Variants in FANCL observed in about 807,000 individuals in gnomAD.
FANCL encodes E3 ubiquitin-protein ligase FANCL.
In FANCL, 69 loss-of-function variants were observed where a neutral mutation model predicts 59.4. That is an observed-to-expected ratio of 1.16 (90% CI 0.96 to 1.42). The LOEUF (loss-of-function observed/expected upper bound fraction) is 1.42. Among genes scored for constraint, FANCL ranks in the 40% most tolerant of loss-of-function variants. The pLI is 0.00. For synonymous variants in FANCL, 180 were observed against 147.1 expected, an observed-to-expected ratio of 1.22 and a Z score of -1.62; for missense variants, 519 against 447.2, an observed-to-expected ratio of 1.16 and a Z score of -1.45.
chr2:58,177,105 G>A (rs1474078574), intron 7 of FANCL, among the ~76,000 whole-genome samples: 3 of 152,132 alleles, frequency 2.0e-5, no homozygotes, highest in African/African-American at 7.2e-5. Context: ...CACTTAGAAT[G>A]GCAATCATTA....
rs1035520400 is a variant in FANCL, at chr2:58,198,593, C to T, written c.540+1G>A. ...TAAGAATTTACCTGAGGAGAATTTA[C>T]CTGAGGTGTCCAGGAGGCACAAAAT... is the stretch of plus-strand genomic sequence containing the variant. On this transcript the variant is annotated splice_donor_variant, in intron 7 of 13. Coordinates refer to ENST00000233741, the MANE Select transcript of FANCL (RefSeq NM_018062.4). LOFTEE classifies it high-confidence loss of function. 1 of 1,612,100 alleles carries T rather than the reference C, an allele frequency of 6.2e-7. No individual in the cohort carries two copies. The highest frequency in any genetic ancestry group is 8.5e-7 in the Non-Finnish European group (1 of 1,178,356).
chr2:58,236,423 T>C (rs148010641), intron 1 of FANCL, among the ~76,000 whole-genome samples: 5 of 151,700 alleles, frequency 3.3e-5, no homozygotes, highest in African/African-American at 4.8e-5. Context: ...CAGACCATGA[T>C]AGATTTAATA....
At chr2:58,196,481 TAG>T (rs1448369258) in intron 7 of FANCL, among the ~76,000 whole-genome samples, 5 of 152,016 alleles carry the variant, frequency 3.3e-5, no homozygotes, top group Admixed American at 6.6e-5. Flanking sequence ...TACATTTTCT[TAG>T]AGTTACTACA....
intron 2 of FANCL, among the ~76,000 whole-genome samples, chr2:58,230,557 C>T (rs1693483768): frequency 6.6e-6 from 1 of 151,766 alleles, no homozygotes; most frequent in Admixed American, 6.6e-5. Context: ...GCTCCCGATA[C>T]TATTAAGTAA....
At chr2:58,218,101 A>T (rs2103669175) in intron 5 of FANCL, among the ~76,000 whole-genome samples, 1 of 152,214 alleles carries the variant, frequency 6.6e-6, no homozygotes, top group South Asian at 2.1e-4. Context: ...AGAAATCACA[A>T]TGAAAATTAA....
chr2:58,175,642 A>G (rs185926077), intron 7 of FANCL, among the ~76,000 whole-genome samples: 1 of 152,158 alleles, frequency 6.6e-6, no homozygotes, highest in South Asian at 2.1e-4. Flanking sequence ...TCTCAAAATA[A>G]TAAGAGCTAT....
At chr2:58,218,834 G>A (rs1209865014) in intron 5 of FANCL, among the ~76,000 whole-genome samples, 1 of 151,710 alleles carries the variant, frequency 6.6e-6, no homozygotes, top group African/African-American at 2.4e-5. Context: ...ATATGGTAAT[G>A]GACTGGAGTT....
At chr2:58,191,451 CTG>C (rs963657635) in intron 7 of FANCL, among the ~76,000 whole-genome samples, 2 of 151,710 alleles carry the variant, frequency 1.3e-5, no homozygotes, top group Non-Finnish European at 3.0e-5. Context: ...ACCAATAAAA[CTG>C]TGAAACCAAA....
intron 7 of FANCL, among the ~76,000 whole-genome samples, chr2:58,168,480 T>C (rs1686192680): frequency 6.6e-6 from 1 of 152,116 alleles, no homozygotes. Flanking sequence ...CTGGTGCCTA[T>C]TTCACCAGGG....
In FANCL at chr2:58,175,906, CCTT is replaced by C. The variant is rs1156722093; in HGVS notation, c.541-10035_541-10033del. Among the ~76,000 whole-genome samples the C allele has an allele frequency of 9.4e-4, 143 of 152,100 alleles. 1 individual carries two copies. In the Middle Eastern group the frequency reaches 0.027, roughly 29 times the overall value. On this transcript the variant is annotated intron_variant, in intron 7 of 13. Coordinates refer to ENST00000233741, the MANE Select transcript of FANCL (RefSeq NM_018062.4). ...ACCCCATTGTCTCAGCCCAAAATCT[CCTT>C]AAGCTGATAAGCAACTTCAGCAAAG...
intron 3 of FANCL, 76 bp from the exon 4 acceptor site, chr2:58,226,860 G>T: frequency 1.6e-6 from 2 of 1,231,594 alleles, no homozygotes; most frequent in South Asian, 1.3e-5. Context: ...AAAAATGTAG[G>T]CCCAAGTGAA....
chr2:58,208,679 G>A (rs1417466635), intron 5 of FANCL, among the ~76,000 whole-genome samples: 2 of 152,126 alleles, frequency 1.3e-5, no homozygotes, highest in African/African-American at 2.4e-5. Flanking sequence ...AAGCATCCAA[G>A]TTTCCACTTT....
chr2:58,173,183 G>C (rs1038947616), intron 7 of FANCL, among the ~76,000 whole-genome samples: 9 of 152,172 alleles, frequency 5.9e-5, no homozygotes, highest in Non-Finnish European at 1.0e-4. Context: ...AAAGTGACGA[G>C]GACAATGGAA....
chr2:58,187,898 T>A (rs1352349013), intron 7 of FANCL, among the ~76,000 whole-genome samples: 1 of 152,190 alleles, frequency 6.6e-6, no homozygotes, highest in Non-Finnish European at 1.5e-5. Flanking sequence ...CTCTTAATAG[T>A]GTCTTTCAAG....
intron 7 of FANCL, among the ~76,000 whole-genome samples, chr2:58,196,280 T>C (rs1573663753): frequency 1.3e-5 from 2 of 152,022 alleles, no homozygotes; most frequent in East Asian, 3.9e-4. Context: ...GGTCAGGTCT[T>C]AGCTATTCTT....
intron 5 of FANCL, among the ~76,000 whole-genome samples, chr2:58,214,009 A>T (rs1573739161): frequency 6.6e-6 from 1 of 152,314 alleles, no homozygotes; most frequent in South Asian, 2.1e-4. Context: ...GGTGTTATGT[A>T]CCCAGCCCTG....
At chr2:58,178,972 C>A (rs1209898965) in intron 7 of FANCL, among the ~76,000 whole-genome samples, 6 of 152,130 alleles carry the variant, frequency 3.9e-5, no homozygotes, top group African/African-American at 1.4e-4. Flanking sequence ...TGAGTGAACT[C>A]CCATTCACAA....
intron 5 of FANCL, among the ~76,000 whole-genome samples, chr2:58,215,000 A>C (rs1240633884): frequency 6.6e-6 from 1 of 152,230 alleles, no homozygotes; most frequent in African/African-American, 2.4e-5. Flanking sequence ...AGGCTGCCTC[A>C]AACTCACCAT....
At chr2:58,161,670 T>G (rs1445780282) in intron 11 of FANCL, 32 bp from the exon 12 acceptor site, 1 of 1,383,166 alleles carries the variant, frequency 7.2e-7, no homozygotes, top group East Asian at 2.3e-5. Flanking sequence ...AAAAAGCGTA[T>G]GTGTCTCACT....
Sources: gnomAD v4.1 joint callset for allele counts (sites outside exome capture counted in the v4.1 genomes callset) on GRCh38, gnomAD v4.1.1 for gene constraint, MANE v1.5 for transcripts, NCBI Gene and HGNC (gene_info 2026-07-23, HGNC 2026-07-21) for gene names.